The following GNB4 variants were observed in gnomAD, a reference collection of about 807,000 sequenced individuals.
GNB4 encodes guanine nucleotide-binding protein subunit beta-4.
A neutral mutation model predicts 45.2 loss-of-function variants in GNB4; 28 were observed. That is an observed-to-expected ratio of 0.62 (90% CI 0.46 to 0.85). The LOEUF (loss-of-function observed/expected upper bound fraction) is 0.85. Among genes scored for constraint, GNB4 ranks in the 40% least tolerant of loss-of-function variants. The pLI is 0.00. For missense variants in GNB4, 321 were observed against 425.4 expected (o/e 0.75, Z 2.16); for synonymous variants, 132 against 143.7 (o/e 0.92, Z 0.58).
At chr3:179,401,489 GA>G in intron 9 of GNB4, among the ~76,000 whole-genome samples, 170 bp from the exon 10 acceptor site, 2 of 152,300 alleles carry the variant, frequency 1.3e-5, no homozygotes, top group East Asian at 3.9e-4. Flanking sequence ...CTCTGAGTAA[GA>G]AGACAAGTTA....
At chr3:179,511,235 T>C in the GNB4 span, among the ~76,000 whole-genome samples, 1 of 152,206 alleles carries the variant, frequency 6.6e-6, no homozygotes, top group Non-Finnish European at 1.5e-5. Flanking sequence ...CGGCTCCCCA[T>C]TGCCATTTTC....
At chr3:179,483,390 A>G in the GNB4 span, among the ~76,000 whole-genome samples, 1 of 152,026 alleles carries the variant, frequency 6.6e-6, no homozygotes, top group African/African-American at 2.4e-5. Context: ...TTTATATTAT[A>G]AATAAATAGT....
At chr3:179,424,781 G>T (rs540187299) in intron 2 of GNB4, among the ~76,000 whole-genome samples, 2 of 151,884 alleles carry the variant, frequency 1.3e-5, no homozygotes, top group East Asian at 3.9e-4. Flanking sequence ...ACGTTTTTTT[G>T]TTTGTTTTTG....
chr3:179,470,206 G>A, the GNB4 span, among the ~76,000 whole-genome samples: 2 of 152,114 alleles, frequency 1.3e-5, no homozygotes, highest in Admixed American at 1.3e-4. Context: ...TGTTATTTTA[G>A]AGTATACTCC....
At chr3:179,461,491 C>A in the GNB4 span, among the ~76,000 whole-genome samples, 1 of 77,584 alleles carries the variant, frequency 1.3e-5, no homozygotes, top group African/African-American at 6.3e-5. Context: ...AGCGAGACTC[C>A]GTCTCAAAAA....
At chr3:179,465,419 T>C in the GNB4 span, 4 of 482,464 alleles carry the variant, frequency 8.3e-6, no homozygotes, top group Admixed American at 3.3e-5. Flanking sequence ...CTGGCTAACA[T>C]GGTGAAACCC....
the GNB4 span, among the ~76,000 whole-genome samples, chr3:179,505,002 T>C: frequency 6.6e-6 from 1 of 152,128 alleles, no homozygotes; most frequent in African/African-American, 2.4e-5. Flanking sequence ...CTTCAAACCA[T>C]TGCTCTTTCC....
chr3:179,420,868 T>TA, intron 3 of GNB4, 21 bp downstream of exon 3: 1 of 1,512,056 alleles, frequency 6.6e-7, no homozygotes, highest in Non-Finnish European at 9.2e-7. Flanking sequence ...CAAAATGAAA[T>TA]AAAGAAAAAC....
the GNB4 span, among the ~76,000 whole-genome samples, chr3:179,462,329 T>G: frequency 2.0e-5 from 3 of 152,228 alleles, no homozygotes; most frequent in African/African-American, 7.2e-5. Flanking sequence ...ACTACTCTTG[T>G]GTACTTAAGT....
the GNB4 span, among the ~76,000 whole-genome samples, chr3:179,488,979 G>A: frequency 8.4e-5 from 5 of 59,832 alleles, no homozygotes; most frequent in Non-Finnish European, 3.0e-5. Context: ...GTGAGATCCT[G>A]TATCCAAAAA....
At chr3:179,470,531 A>ATG in the GNB4 span, among the ~76,000 whole-genome samples, 1 of 150,034 alleles carries the variant, frequency 6.7e-6, no homozygotes, top group African/African-American at 2.4e-5. Flanking sequence ...ATATATATAT[A>ATG]TTAAAGAAAA....
At chr3:179,464,572 G>C in the GNB4 span, 2 of 1,520,602 alleles carry the variant, frequency 1.3e-6, no homozygotes, top group Non-Finnish European at 1.8e-6. Context: ...ATCCTGGTTG[G>C]CGAGAGTTCT....
At chr3:179,494,544 GAA>G in the GNB4 span, among the ~76,000 whole-genome samples, 2 of 149,598 alleles carry the variant, frequency 1.3e-5, no homozygotes, top group Admixed American at 6.7e-5. Flanking sequence ...ATGAACAAAA[GAA>G]AGAGAGAGAG....
intron 1 of GNB4, among the ~76,000 whole-genome samples, chr3:179,447,282 G>A (rs1488103466): frequency 2.0e-5 from 3 of 148,658 alleles, no homozygotes; most frequent in African/African-American, 5.0e-5. Context: ...GAGCAGGGCA[G>A]AGAGCAGCAG....
chr3:179,443,042 A>C (rs1273290055), intron 1 of GNB4, among the ~76,000 whole-genome samples: 1 of 152,202 alleles, frequency 6.6e-6, no homozygotes. Flanking sequence ...AATTTTAAAA[A>C]TCAATCCCAC....
the GNB4 span, among the ~76,000 whole-genome samples, chr3:179,482,426 G>C: frequency 1.3e-5 from 2 of 152,148 alleles, no homozygotes; most frequent in Non-Finnish European, 2.9e-5. Flanking sequence ...ATTTTCATCT[G>C]TGAACTTTGT....
At chr3:179,520,142 C>A in the GNB4 span, among the ~76,000 whole-genome samples, 18 of 66,982 alleles carry the variant, frequency 2.7e-4, no homozygotes, top group South Asian at 3.8e-3. Context: ...TTGCACCCTT[C>A]ATCCCAGCCT....
chr3:179,413,392 T>C lies in GNB4; in HGVS notation c.699+20A>G, dbSNP rs764168618. Reference sequence around the variant, plus strand: ...CTTTAAATGCATAATAAATTTTCTCTAGAAATGCTATTCACTTACACTGAC... The same window carrying C: ...CTTTAAATGCATAATAAATTTTCTCCAGAAATGCTATTCACTTACACTGAC... On this transcript the variant is annotated intron_variant, in intron 8 of 9. Transcript: ENST00000232564. The C allele has an allele frequency of 1.3e-6, 2 of 1,596,398 alleles. No individual in the cohort carries two copies. Among genetic ancestry groups the C allele is most frequent in the South Asian group, 1.1e-5 (1 of 90,740 alleles).
At chr3:179,509,168 T>TATACAC in the GNB4 span, among the ~76,000 whole-genome samples, 1,229 of 146,946 alleles carry the variant, frequency 8.4e-3, 16 homozygotes, top group African/African-American at 0.027. Context: ...TATATATACA[T>TATACAC]ACACACACAC....
Sources: allele counts gnomAD v4.1 joint callset (sites outside exome capture counted in the v4.1 genomes callset), GRCh38; gene constraint gnomAD v4.1.1; transcripts MANE v1.5; gene names NCBI Gene and HGNC (gene_info 2026-07-23, HGNC 2026-07-21).